HDAC9: variants seen among roughly 807,000 people sequenced by gnomAD.
HDAC9 encodes the protein histone deacetylase 9.
HDAC9 carries 41 observed loss-of-function variants against 139.4 expected under a neutral mutation model. The observed-to-expected ratio is 0.29, with a 90% confidence interval of 0.23 to 0.38. The LOEUF (loss-of-function observed/expected upper bound fraction) is 0.38, where lower values mean the gene tolerates loss of function less well. HDAC9 is among the 10% of genes least tolerant of loss of function. The pLI is 1.00. For missense variants in HDAC9, 1,147 were observed against 1,297.0 expected (o/e 0.88, Z 1.78); for synonymous variants, 517 against 476.2 (o/e 1.09, Z -1.12).
intron 22 of HDAC9, among the ~76,000 whole-genome samples, chr7:18,902,176 C>T (rs964838597): frequency 1.3e-5 from 2 of 152,222 alleles, no homozygotes; most frequent in African/African-American, 2.4e-5. Flanking sequence ...GAAATGTCTG[C>T]CCTGCTTGGG....
chr7:18,729,225 CAG>C (rs1227635324), intron 13 of HDAC9, among the ~76,000 whole-genome samples: 19 of 151,988 alleles, frequency 1.3e-4, no homozygotes, highest in African/African-American at 4.1e-4. Context: ...TCAGAAAATA[CAG>C]AGTAACAACC....
intron 22 of HDAC9, among the ~76,000 whole-genome samples, chr7:18,933,200 G>A (rs1196212301): frequency 6.6e-6 from 1 of 152,174 alleles, no homozygotes; most frequent in African/African-American, 2.4e-5. Context: ...TCTGAGATCA[G>A]CTTGCCAGCA....
chr7:18,267,430 C>T (rs755186273), intron 2 of HDAC9, among the ~76,000 whole-genome samples: 19 of 152,018 alleles, frequency 1.2e-4, no homozygotes, highest in Non-Finnish European at 2.1e-4. Context: ...ATCTTTTGAC[C>T]AAGAGCTCCC....
rs563573865 is a variant in HDAC9 at position 18,438,545 on chromosome 7, C to G, written c.-41-57717C>G. ...ACAACACAATTGGAGAAAGATTAAA[C>G]TAGAATATATCTATACTTTAGAATA... is the stretch of plus-strand genomic sequence containing the variant. On this transcript the variant is annotated intron_variant, in intron 1 of 3. Transcript: ENST00000413509. Among the ~76,000 whole-genome samples, 4 of 152,064 alleles carry G rather than the reference C, an allele frequency of 2.6e-5. No homozygotes were observed. In the East Asian group the frequency reaches 7.7e-4, roughly 29 times the overall value.
chr7:18,387,047 C>T (rs1323579035), intron 1 of HDAC9, among the ~76,000 whole-genome samples: 1 of 152,144 alleles, frequency 6.6e-6, no homozygotes, highest in South Asian at 2.1e-4. Context: ...CTGCCTAGTT[C>T]TGCTGATAGA....
chr7:18,795,184 C>G (rs185393176), intron 17 of HDAC9, among the ~76,000 whole-genome samples: 1 of 136,748 alleles, frequency 7.3e-6, no homozygotes, highest in East Asian at 2.3e-4. Context: ...TTGAGAACAA[C>G]GATTGGTACA....
intron 11 of HDAC9, among the ~76,000 whole-genome samples, chr7:18,648,915 T>C (rs1228454676): frequency 6.6e-6 from 1 of 152,200 alleles, no homozygotes; most frequent in African/African-American, 2.4e-5. Context: ...TCACAAGATC[T>C]TTTTATGATC....
In HDAC9 at chr7:18,168,897, TTGTGTGTGTGTG is replaced by T. The variant is rs1201294435; in HGVS notation, c.25+6567_25+6578del. Reference sequence around the variant, plus strand: ...ATGTCTTGTTTTTTTTTTTTTTTTTTTGTGTGTGTGTGTGTGTGTGTGTGTGTGTGCGCGCAT... The same window carrying T: ...ATGTCTTGTTTTTTTTTTTTTTTTTTTGTGTGTGTGTGTGTGTGCGCGCAT... On this transcript the variant is annotated intron_variant, in intron 2 of 12. Coordinates refer to the HDAC9 transcript ENST00000417496. 3.2e-5 allele frequency among the ~76,000 whole-genome samples: 3 copies of T among 94,338 alleles called. No individual in the cohort carries two copies. The East Asian group carries it at 8.9e-4, about 28-fold the overall frequency. 61.9% of individuals were successfully genotyped at this position (94,338 alleles called of 152,430 possible). A position where few individuals can be genotyped will look rare whatever the true frequency, so the allele number is the denominator to read the frequency against.
At chr7:18,788,864 G>C (rs1792053494) in intron 16 of HDAC9, among the ~76,000 whole-genome samples, 1 of 151,694 alleles carries the variant, frequency 6.6e-6, no homozygotes, top group South Asian at 2.1e-4. Flanking sequence ...GTCGCTTTCT[G>C]TGTTCCTTGT....
chr7:18,380,435 A>G (rs967377713), intron 1 of HDAC9, among the ~76,000 whole-genome samples: 17 of 152,366 alleles, frequency 1.1e-4, no homozygotes, highest in Non-Finnish European at 2.1e-4. Flanking sequence ...CAGTTTGGTT[A>G]TTAAGACTGG....
intron 1 of HDAC9, chr7:18,430,840 T>G (rs1416951754): frequency 6.6e-6 from 1 of 152,254 alleles, no homozygotes; most frequent in Non-Finnish European, 1.5e-5. Context: ...TGAGCTGAGA[T>G]TGTGCCAGTG....
At chr7:18,864,610 A>G (rs1473342105) in intron 21 of HDAC9, among the ~76,000 whole-genome samples, 1 of 115,726 alleles carries the variant, frequency 8.6e-6, no homozygotes, top group Non-Finnish European at 1.7e-5. Context: ...TCTTACCACA[A>G]TTAAAAAAAA....
chr7:18,558,937 T>G (rs561324054), intron 2 of HDAC9, among the ~76,000 whole-genome samples: 28 of 152,266 alleles, frequency 1.8e-4, no homozygotes, highest in African/African-American at 6.7e-4. Flanking sequence ...TTTGCCAGCT[T>G]GTTAAGAGTG....
intron 1 of HDAC9, among the ~76,000 whole-genome samples, chr7:18,155,089 CT>C (rs1327324991): frequency 2.8e-5 from 4 of 141,212 alleles, no homozygotes; most frequent in African/African-American, 1.2e-4. Context: ...TTCTTTCTTT[CT>C]TTCTTTTTTT....
At chr7:18,834,227 A>C (rs73312695) in intron 19 of HDAC9, among the ~76,000 whole-genome samples, 3,282 of 152,316 alleles carry the variant, frequency 0.022, 123 homozygotes, top group African/African-American at 0.074. Flanking sequence ...TATAGTTACA[A>C]GTTTTAAAAC....
intron 6 of HDAC9, among the ~76,000 whole-genome samples, chr7:18,601,187 C>A (rs968815777): frequency 6.6e-6 from 1 of 152,182 alleles, no homozygotes; most frequent in African/African-American, 2.4e-5. Flanking sequence ...ACATCCTCTA[C>A]ATAATTTGTT....
intron 1 of HDAC9, among the ~76,000 whole-genome samples, chr7:18,475,990 T>C (rs1795082972): frequency 6.6e-6 from 1 of 152,162 alleles, no homozygotes; most frequent in Non-Finnish European, 1.5e-5. Context: ...AGTTTAGATA[T>C]GTCTCTTGAA....
At chr7:18,249,502 CAAAAA>C (rs3058733) in intron 2 of HDAC9, among the ~76,000 whole-genome samples, 8 of 58,576 alleles carry the variant, frequency 1.4e-4, no homozygotes, top group Non-Finnish European at 3.1e-4. Flanking sequence ...GACTCTGTCT[CAAAAA>C]AAAAAAAAAA....
At chr7:18,168,897 T>TTGTGTGTGTGTGTGTGTG in intron 2 of HDAC9, among the ~76,000 whole-genome samples, 1 of 94,338 alleles carries the variant, frequency 1.1e-5, no homozygotes, top group African/African-American at 5.8e-5. Flanking sequence ...TTTTTTTTTT[T>TTGTGTGTGTGTGTGTGTG]TGTGTGTGTG....
Sources: gnomAD v4.1 joint callset for allele counts (sites outside exome capture counted in the v4.1 genomes callset) on GRCh38, gnomAD v4.1.1 for gene constraint, MANE v1.5 for transcripts, NCBI Gene and HGNC (gene_info 2026-07-23, HGNC 2026-07-21) for gene names.